TCF3: variants seen among roughly 807,000 people sequenced by gnomAD.
TCF3 encodes the protein transcription factor E2-alpha.
A neutral mutation model predicts 72.3 loss-of-function variants in TCF3; 54 were observed. The observed-to-expected ratio is 0.75, with a 90% confidence interval of 0.60 to 0.94. TCF3 has a LOEUF of 0.94. TCF3 is among the 40% of genes least tolerant of loss of function. TCF3 has a pLI of 0.00. For synonymous variants in TCF3, 525 were observed against 412.6 expected (o/e 1.27, Z -3.30); for missense variants, 1,078 against 934.4 (o/e 1.15, Z -2.00).
rs113001038 is a variant in TCF3 at position 1,612,606 on chromosome 19, T to C, written c.1823-757A>G. Among the ~76,000 whole-genome samples the C allele has an allele frequency of 2.3e-3, 310 of 137,328 alleles. 2 individuals are homozygous for C. The highest frequency in any genetic ancestry group is 2.2e-3 in the Non-Finnish European group (139 of 64,346). The allele number at this position is 137,328 out of a possible 152,430, so 90.1% of individuals were successfully genotyped here. A position where few individuals can be genotyped will look rare whatever the true frequency, so the allele number is the denominator to read the frequency against. On this transcript the variant is annotated intron_variant, in intron 18 of 18. Coordinates refer to ENST00000262965, the MANE Select transcript of TCF3 (RefSeq NM_003200.5). ...CAGTGTGGGCAGCAGTGCAGGTACATGGCTTACATTGGTGGGCACAGCAGT... is the reference window on the plus strand; with the variant it reads ...CAGTGTGGGCAGCAGTGCAGGTACACGGCTTACATTGGTGGGCACAGCAGT...
rs373250527 is a variant in TCF3, at chr19:1,620,923, C to T, written c.1093+45G>A. On this transcript the variant is annotated intron_variant, in intron 13 of 18. Transcript: ENST00000262965. The stretch of plus-strand genomic sequence containing the variant: ...GACCTCAGCCTCCCCTCCCCCCAAA[C>T]CCTCACAGACCTCAGCCTCCCCTCC... 1.3e-3 allele frequency: 1,780 copies of T among 1,420,972 alleles called. 3 individuals carry two copies. The highest frequency in any genetic ancestry group is 1.5e-3 in the Non-Finnish European group (1,666 of 1,079,596). 88.0% of individuals were successfully genotyped at this position (1,420,972 alleles called of 1,614,324 possible). A position where few individuals can be genotyped will look rare whatever the true frequency, so the allele number is the denominator to read the frequency against.
chr19:1,648,477 G>A (rs1336713350), intron 2 of TCF3, among the ~76,000 whole-genome samples: 1 of 152,184 alleles, frequency 6.6e-6, no homozygotes, highest in Non-Finnish European at 1.5e-5. Flanking sequence ...AGGTCCTGGG[G>A]CTGAACCTGT....
Position 1,619,430 on chromosome 19 carries a change from G to C in TCF3, c.1212C>G (p.Leu404=). 6.3e-7 allele frequency: 1 copy of C among 1,591,554 alleles called. No homozygotes were observed. Among genetic ancestry groups the C allele is most frequent in the Non-Finnish European group, 8.5e-7 (1 of 1,175,476 alleles). Residue 404 remains leucine (L), a synonymous_variant, in exon 15 of 19, where the codon CTC becomes CTG. Coordinates refer to ENST00000262965, the MANE Select transcript of TCF3 (RefSeq NM_003200.5). ...CGGCTGTGCCCACGGCGTGGCTGCG[G>C]AGCACGTGGATGGCCTCGTCCAGGT... is the stretch of plus-strand genomic sequence containing the variant. ...EDHLDEAIHV[L]RSHAVGTAGD...
Position 1,621,858 on chromosome 19 carries a change from C to T in TCF3, c.935G>A (p.Ser312Asn). 1.9e-6 allele frequency: 3 copies of T among 1,593,010 alleles called. No homozygotes were observed. Among genetic ancestry groups the T allele is most frequent in the Non-Finnish European group, 1.7e-6 (2 of 1,171,314 alleles). Reference protein sequence around the residue: ...GGVSSHTPPVSGADSLLGSRG... With the variant: ...GGVSSHTPPVNGADSLLGSRG... ...CATACCCAGGAGGCTGTCGGCCCCGCTGACAGGCGGCGTGTGGCTGGAGAC... is the reference window on the plus strand; with the variant it reads ...CATACCCAGGAGGCTGTCGGCCCCGTTGACAGGCGGCGTGTGGCTGGAGAC... Residue 312 changes from serine (S) to asparagine (N), a missense_variant, in exon 11 of 19, where the codon AGC becomes AAC. Coordinates refer to ENST00000262965, the MANE Select transcript of TCF3 (RefSeq NM_003200.5).
At chr19:1,611,881 C>A in intron 18 of TCF3, 32 bp from the exon 19 acceptor site, 1 of 1,522,662 alleles carries the variant, frequency 6.6e-7, no homozygotes, top group Non-Finnish European at 8.8e-7. Context: ...CTGTGGGAGA[C>A]GGTCCCAGGG....
At chr19:1,649,459 G>C (rs1327553998) in intron 2 of TCF3, among the ~76,000 whole-genome samples, 1 of 152,216 alleles carries the variant, frequency 6.6e-6, no homozygotes, top group African/African-American at 2.4e-5. Flanking sequence ...GCCCAGGAAG[G>C]AGTGCAGTGG....
At chr19:1,651,665 G>T (rs934485379) in intron 1 of TCF3, among the ~76,000 whole-genome samples, 3 of 151,978 alleles carry the variant, frequency 2.0e-5, no homozygotes, top group Non-Finnish European at 2.9e-5. Context: ...CTTTTTCCCG[G>T]GGGGAGGCGG....
Position 1,622,341 on chromosome 19 carries a change from G to A in TCF3, c.624C>T (p.Ser208=). The change falls in exon 9 of 19, where the codon AGC becomes AGT. Residue 208 remains serine (S), a synonymous_variant. Transcript: ENST00000262965. ...CCACGTAGAAGGGGGCGGGATAGGT[G>A]CTGCTGGGGGTCTTGGCGGACGGGT... ...TAYPSAKTPS[S]TYPAPFYVAD... 1 of 1,534,918 alleles carries A rather than the reference G, an allele frequency of 6.5e-7. No homozygotes were observed. The highest frequency in any genetic ancestry group is 8.8e-7 in the Non-Finnish European group (1 of 1,140,838).
chr19:1,612,113 G>T, intron 18 of TCF3: 1 of 1,303,576 alleles, frequency 7.7e-7, no homozygotes, highest in Non-Finnish European at 1.0e-6. Context: ...CATGGACAGA[G>T]TCCGGGGGCG....
intron 8 of TCF3, 66 bp from the exon 9 acceptor site, chr19:1,622,481 T>C: frequency 1.1e-6 from 1 of 905,498 alleles, no homozygotes; most frequent in East Asian, 2.9e-5. Flanking sequence ...CCATGCACCT[T>C]GCCGGCCTCC....
At chr19:1,638,653 G>A (rs1442526961) in intron 3 of TCF3, among the ~76,000 whole-genome samples, 6 of 152,140 alleles carry the variant, frequency 3.9e-5, no homozygotes, top group South Asian at 4.1e-4. Context: ...CACTTCGGAC[G>A]TTGAGAGCGC....
rs535040814 is a variant in TCF3 at position 1,647,297 on chromosome 19, A to G, written c.73-870T>C. Reference sequence around the variant, plus strand: ...CACAACAAGCCTCCGCCCTGCCCCAAGGGGCTGCGTTTTAAGGCTCCCATC... The same window carrying G: ...CACAACAAGCCTCCGCCCTGCCCCAGGGGGCTGCGTTTTAAGGCTCCCATC... On this transcript the variant is annotated intron_variant, in intron 2 of 18. Transcript: ENST00000262965. Among the ~76,000 whole-genome samples the G allele has an allele frequency of 7.2e-4, 110 of 152,342 alleles. 1 individual carries two copies. The highest frequency in any genetic ancestry group is 1.4e-3 in the Non-Finnish European group (98 of 68,014).
intron 7 of TCF3, among the ~76,000 whole-genome samples, chr19:1,625,037 G>A (rs1182110299): frequency 3.3e-5 from 5 of 152,168 alleles, no homozygotes; most frequent in Non-Finnish European, 7.4e-5. Context: ...CGCAAAGATG[G>A]GATCTCCCTA....
chr19:1,627,219 TG>T, intron 6 of TCF3, 139 bp downstream of exon 6: 1 of 99,094 alleles, frequency 1.0e-5, no homozygotes, highest in Non-Finnish European at 2.0e-5. Flanking sequence ...CAGCCCACCC[TG>T]GCCCAAGCCC....
At position 1,611,686 on chromosome 19, in the gene TCF3, C is replaced by T. The variant is rs200553102; in HGVS notation, c.*21G>A. ...AGCACAGGGCTGAAAGCGGGTGGCT[C>T]GTCCCACGGAGGCATACCTTTCACA... is the stretch of plus-strand genomic sequence containing the variant. On this transcript the variant is annotated 3_prime_UTR_variant, in exon 19 of 19. Transcript: ENST00000262965. The T allele has an allele frequency of 3.7e-6, 6 of 1,603,924 alleles. No homozygotes were observed. The African/African-American group carries it at 4.0e-5, about 11-fold the overall frequency.
rs1383432542 is a variant in TCF3 at position 1,646,432 on chromosome 19, A to AGGGAG, written c.73-10_73-6dup. On this transcript the variant is annotated splice_polypyrimidine_tract_variant and splice_region_variant and intron_variant, in intron 2 of 18. Transcript: ENST00000262965. ...GGTGACAGGCAGCGGGAACATCTGC[A>AGGGAG]GGGAGGGGAGGGGAGACGTGAGCGG... 4 of 1,502,672 alleles carry AGGGAG rather than the reference A, an allele frequency of 2.7e-6. No homozygotes were observed. The highest frequency in any genetic ancestry group is 1.2e-5 in the South Asian group (1 of 83,140). 93.1% of individuals were successfully genotyped at this position (1,502,672 alleles called of 1,614,324 possible).
intron 5 of TCF3, among the ~76,000 whole-genome samples, chr19:1,630,819 CCCTA>C (rs1164202622): frequency 2.0e-5 from 3 of 152,098 alleles, no homozygotes; most frequent in South Asian, 2.1e-4. Context: ...CCCCCAAGAC[CCCTA>C]CCTGAGCCCC....
At chr19:1,652,211 C>CT (rs2067232362) in intron 1 of TCF3, 89 bp downstream of exon 1, 1 of 148,656 alleles carries the variant, frequency 6.7e-6, no homozygotes, top group African/African-American at 2.5e-5. Context: ...CGCGCCCCCC[C>CT]CCAACAAGCG....
Position 1,615,962 on chromosome 19 carries a change from C to T in TCF3, c.1451-141G>A. On this transcript the variant is annotated intron_variant, in intron 16 of 18. Coordinates refer to ENST00000262965, the MANE Select transcript of TCF3 (RefSeq NM_003200.5). The surrounding 1 kb of genome is among the most constrained non-coding windows in gnomAD (Gnocchi z 7.3). ...AAAATAAAAACAAAAAACCAACAAC[C>T]AGAACTGGATCCCTACCTCACGCCA... The T allele has an allele frequency of 9.8e-7, 1 of 1,020,600 alleles. No individual in the cohort carries two copies. The highest frequency in any genetic ancestry group is 1.4e-6 in the Non-Finnish European group (1 of 733,222). 63.2% of individuals were successfully genotyped at this position (1,020,600 alleles called of 1,614,324 possible).
Sources: gnomAD v4.1 joint callset for allele counts (sites outside exome capture counted in the v4.1 genomes callset) on GRCh38, gnomAD v4.1.1 for gene constraint, Gnocchi (gnomAD v3.1) non-coding constraint, MANE v1.5 for transcripts, NCBI Gene and HGNC (gene_info 2026-07-23, HGNC 2026-07-21) for gene names.